TRIM51: variants seen among roughly 807,000 people sequenced by gnomAD.
TRIM51 encodes tripartite motif-containing 51.
TRIM51 carries 23 observed loss-of-function variants against 32.7 expected under a neutral mutation model. That is an observed-to-expected ratio of 0.70 (90% CI 0.51 to 1.00). TRIM51 has a LOEUF of 1.00. TRIM51 is among the 50% of genes least tolerant of loss of function. The pLI is 0.00. For missense variants in TRIM51, 592 were observed against 539.2 expected (o/e 1.10, Z -0.97); for synonymous variants, 177 against 181.9 (o/e 0.97, Z 0.22).
At position 55,891,608 on chromosome 11, in the gene TRIM51, T is replaced by A; in HGVS notation, c.1335T>A (p.Pro445=). 6.2e-7 allele frequency: 1 copy of A among 1,613,384 alleles called. No homozygotes were observed. ...PNCSFSPPLR[P]IFCCSHF ...GCTCCTTCTCACCTCCTCTCAGGCC[T>A]ATCTTTTGCTGTAGTCACTTCTGAC... The change falls in exon 7 of 7, where the codon CCT becomes CCA. Residue 445 remains proline, a synonymous_variant. Coordinates refer to ENST00000449290, the MANE Select transcript of TRIM51 (RefSeq NM_032681.4).
rs143840865 is a variant in TRIM51, at chr11:55,884,157, CTA to C, written c.-5+798_-5+799del. 1.5e-3 allele frequency among the ~76,000 whole-genome samples: 93 copies of C among 61,560 alleles called. 6 individuals carry two copies. Among genetic ancestry groups the C allele is most frequent in the East Asian group, 1.9e-3 (1 of 524 alleles). 40.4% of individuals were successfully genotyped at this position (61,560 alleles called of 152,430 possible). A position where few individuals can be genotyped will look rare whatever the true frequency, so the allele number is the denominator to read the frequency against. ...CCATAGGATGTGTACATAACTATAA[CTA>C]TATATATATATATATATATATATAC... On this transcript the variant is annotated intron_variant, in intron 1 of 6. Transcript: ENST00000449290.
Position 55,884,157 on chromosome 11 carries a change from C to CTATATA in TRIM51, c.-5+794_-5+799dup, listed in dbSNP as rs143840865. On this transcript the variant is annotated intron_variant, in intron 1 of 6. Coordinates refer to ENST00000449290, the MANE Select transcript of TRIM51 (RefSeq NM_032681.4). ...CCATAGGATGTGTACATAACTATAA[C>CTATATA]TATATATATATATATATATATATAT... 4.4e-3 allele frequency among the ~76,000 whole-genome samples: 268 copies of CTATATA among 61,546 alleles called. 31 individuals are homozygous for CTATATA. The highest frequency in any genetic ancestry group is 0.021 in the East Asian group (11 of 524). The allele number at this position is 61,546 out of a possible 152,430, so 40.4% of individuals were successfully genotyped here.
At chr11:55,889,129 C>T (rs1854615571) in intron 5 of TRIM51, 128 bp downstream of exon 5, 2 of 843,562 alleles carry the variant, frequency 2.4e-6, no homozygotes, top group South Asian at 1.4e-5. Context: ...TTTCTCCATC[C>T]CCCACCCCAT....
chr11:55,887,523 C>G (rs917588005), intron 3 of TRIM51, among the ~76,000 whole-genome samples: 1 of 151,702 alleles, frequency 6.6e-6, no homozygotes, highest in African/African-American at 2.4e-5. Flanking sequence ...TTTGAGGAAC[C>G]ACAAAGAAGC....
At chr11:55,891,090 A>G (rs754385448) in intron 6 of TRIM51, 43 bp from the exon 7 acceptor site, 3 of 1,436,600 alleles carry the variant, frequency 2.1e-6, no homozygotes, top group Admixed American at 4.2e-5. Flanking sequence ...TCTAATTTCT[A>G]TTAATTACAT....
At chr11:55,890,193 A>G (rs1854630639) in intron 6 of TRIM51, among the ~76,000 whole-genome samples, 154 bp downstream of exon 6, 1 of 152,188 alleles carries the variant, frequency 6.6e-6, no homozygotes, top group Non-Finnish European at 1.5e-5. Context: ...GTTTCTATTT[A>G]TAGTCCAAAT....
chr11:55,886,444 T>C (rs531734387), intron 3 of TRIM51, among the ~76,000 whole-genome samples: 20 of 152,204 alleles, frequency 1.3e-4, no homozygotes, highest in Non-Finnish European at 2.1e-4. Flanking sequence ...TCTGTTTCCA[T>C]ACAAACCTAT....
At chr11:55,889,603 C>T (rs1490457055) in intron 5 of TRIM51, among the ~76,000 whole-genome samples, 3 of 152,074 alleles carry the variant, frequency 2.0e-5, no homozygotes, top group African/African-American at 4.8e-5. Context: ...TAAAAATAAC[C>T]CCACTTTTCC....
At chr11:55,885,309 T>C (rs1288109125) in intron 1 of TRIM51, 116 bp from the exon 2 acceptor site, 1 of 1,060,810 alleles carries the variant, frequency 9.4e-7, no homozygotes, top group African/African-American at 1.6e-5. Flanking sequence ...GGAAATAGTT[T>C]GTTCCGCTTT....
At chr11:55,886,766 A>G (rs968251949) in intron 3 of TRIM51, among the ~76,000 whole-genome samples, 1 of 152,170 alleles carries the variant, frequency 6.6e-6, no homozygotes, top group African/African-American at 2.4e-5. Context: ...GTCTTGATGA[A>G]GACATAAATA....
chr11:55,883,741 T>C (rs1361551802), intron 1 of TRIM51, among the ~76,000 whole-genome samples: 1 of 152,160 alleles, frequency 6.6e-6, no homozygotes, highest in Non-Finnish European at 1.5e-5. Context: ...CTGTAAATGT[T>C]GTGCTTTCAT....
At position 55,888,252 on chromosome 11, in the gene TRIM51, A is replaced by T; in HGVS notation, c.728A>T (p.Glu243Val). The change falls in exon 4 of 7, where the codon GAG (glutamate) becomes GTG (valine). Residue 243 changes from glutamate (E) to valine (V), a missense_variant. By Grantham distance (121) the Glu-to-Val change is moderately radical. Transcript: ENST00000449290. ...LKQMCHKADV[E>V]LLQAFGDILH... ...CAAATGTGCCATAAAGCAGATGTGG[A>T]GCTACTCCAGGTATGGACTGACCAT... is the stretch of plus-strand genomic sequence containing the variant. The T allele has an allele frequency of 6.2e-7, 1 of 1,611,384 alleles. No homozygotes were observed. Among genetic ancestry groups the T allele is most frequent in the South Asian group, 1.1e-5 (1 of 91,016 alleles).
chr11:55,884,182 T>TATATATATATATATATACAC lies in TRIM51; in HGVS notation c.-5+799_-5+800insTATATATATATATATACACA, dbSNP rs1458218535. Among the ~76,000 whole-genome samples the TATATATATATATATATACAC allele has an allele frequency of 2.8e-3, 311 of 110,096 alleles. 6 individuals are homozygous for TATATATATATATATATACAC. The highest frequency in any genetic ancestry group is 0.011 in the African/African-American group (293 of 27,646). 72.2% of individuals were successfully genotyped at this position (110,096 alleles called of 152,430 possible). On this transcript the variant is annotated intron_variant, in intron 1 of 6. Coordinates refer to ENST00000449290, the MANE Select transcript of TRIM51 (RefSeq NM_032681.4). ...CTATATATATATATATATATATATA[T>TATATATATATATATATACAC]ACACATACCAAAAATACTTACAATT...
Position 55,888,107 on chromosome 11 carries a change from C to T in TRIM51, c.583C>T (p.Gln195Ter). 6.2e-7 allele frequency: 1 copy of T among 1,613,562 alleles called. No individual in the cohort carries two copies. The highest frequency in any genetic ancestry group is 8.5e-7 in the Non-Finnish European group (1 of 1,179,632). Residue 195 changes from glutamine to a stop codon, truncating the protein, a stop_gained, in exon 4 of 7, where the codon CAA (glutamine) becomes TAA (stop). Coordinates refer to ENST00000449290, the MANE Select transcript of TRIM51 (RefSeq NM_032681.4). LOFTEE classifies it high-confidence loss of function. ...KMPAFLHEEE[Q>*]HHLERLRKEG... Reference sequence around the variant, plus strand: ...GCCTGCATTTCTCCATGAAGAAGAGCAACATCACTTGGAAAGGCTGCGAAA... The same window carrying T: ...GCCTGCATTTCTCCATGAAGAAGAGTAACATCACTTGGAAAGGCTGCGAAA...
Position 55,885,677 on chromosome 11 carries a change from G to C in TRIM51, c.249G>C (p.Arg83=), listed in dbSNP as rs763783173. The part of the protein sequence containing the change: ...MAFIARKASL[R]QFLSSEEQIC... ...TCATTGCCAGAAAAGCCAGCCTCCG[G>C]CAATTCCTTAGCTCTGAGGAGCAAA... is the stretch of plus-strand genomic sequence containing the variant. Residue 83 remains arginine (R), a synonymous_variant, in exon 2 of 7, where the codon CGG becomes CGC. Coordinates refer to ENST00000449290, the MANE Select transcript of TRIM51 (RefSeq NM_032681.4). 9 of 1,611,052 alleles carry C rather than the reference G, an allele frequency of 5.6e-6. No homozygotes were observed. The highest frequency in any genetic ancestry group is 7.6e-6 in the Non-Finnish European group (9 of 1,179,358).
chr11:55,890,636 C>T (rs1048841197), intron 6 of TRIM51, among the ~76,000 whole-genome samples: 1 of 152,042 alleles, frequency 6.6e-6, no homozygotes, highest in Non-Finnish European at 1.5e-5. Context: ...CACGGATGTC[C>T]GCAAAGTGAC....
rs1237914574 is a variant in TRIM51 at position 55,888,213 on chromosome 11, A to C, written c.689A>C (p.Tyr230Ser). The C allele has an allele frequency of 3.1e-6, 5 of 1,613,602 alleles. No homozygotes were observed. Among genetic ancestry groups the C allele is most frequent in the Non-Finnish European group, 4.2e-6 (5 of 1,179,624 alleles). The change falls in exon 4 of 7, where the codon TAT becomes TCT. Residue 230 changes from tyrosine (Y) to serine (S), a missense_variant. Transcript: ENST00000449290. ...EHSRELLRGM[Y>S]EDLKQMCHKA... ...TCCAGGGAGCTTTTAAGAGGAATGT[A>C]TGAGGATCTGAAGCAAATGTGCCAT...
In TRIM51 at chr11:55,891,648, A is replaced by G. The variant is rs766551714; in HGVS notation, c.*16A>G. Reference sequence around the variant, plus strand: ...TCACTTCTGACCAGAGAAAAGTCAGAAATGTGCCTGTATGCTCTGGGAACC... The same window carrying G: ...TCACTTCTGACCAGAGAAAAGTCAGGAATGTGCCTGTATGCTCTGGGAACC... On this transcript the variant is annotated 3_prime_UTR_variant, in exon 7 of 7. Transcript: ENST00000449290. 1.2e-6 allele frequency: 2 copies of G among 1,612,492 alleles called. No homozygotes were observed. The highest frequency in any genetic ancestry group is 1.7e-6 in the Non-Finnish European group (2 of 1,179,434).
At chr11:55,890,569 G>T (rs1469969039) in intron 6 of TRIM51, among the ~76,000 whole-genome samples, 2 of 152,164 alleles carry the variant, frequency 1.3e-5, no homozygotes, top group African/African-American at 4.8e-5. Flanking sequence ...TTTCAGTTTA[G>T]TTACAACATG....
Sources: gnomAD v4.1 joint callset for allele counts (sites outside exome capture counted in the v4.1 genomes callset) on GRCh38, gnomAD v4.1.1 for gene constraint, MANE v1.5 for transcripts, NCBI Gene and HGNC (gene_info 2026-07-23, HGNC 2026-07-21) for gene names.